Variants in FAR2 observed in about 807,000 individuals in gnomAD.
FAR2 encodes epididymis secretory protein Li 81.
Under a neutral mutation model 56.0 loss-of-function variants are expected in FAR2, and 19 were observed. That is an observed-to-expected ratio of 0.34 (90% confidence interval 0.24 to 0.50). FAR2 has a LOEUF of 0.50. Ranked by LOEUF, FAR2 falls within the 20% of genes least tolerant of loss-of-function variation. The pLI, the probability that FAR2 is intolerant of heterozygous loss-of-function variation, is 0.98. For missense variants in FAR2, 508 were observed against 642.2 expected (o/e 0.79, Z 2.26); for synonymous variants, 219 against 218.8 (o/e 1.00, Z -0.01).
intron 1 of FAR2, among the ~76,000 whole-genome samples, chr12:29,184,422 C>CTTTTT (rs71042961): frequency 1.3e-4 from 8 of 59,716 alleles, no homozygotes; most frequent in South Asian, 7.9e-4. Context: ...AATCTAGCAT[C>CTTTTT]TTTTTTTTTT....
rs1475516172 is a variant in FAR2 at position 29,333,637 on chromosome 12, G to A, written c.1391G>A (p.Arg464Gln). 4.3e-6 allele frequency: 7 copies of A among 1,612,556 alleles called. No individual in the cohort carries two copies. Among genetic ancestry groups the A allele is most frequent in the East Asian group, 4.5e-5 (2 of 44,846 alleles). The change falls in exon 12 of 12, where the codon CGA (arginine) becomes CAA (glutamine). Residue 464 changes from arginine (R) to glutamine (Q), a missense_variant. Physicochemically the swap from Arg to Gln is conservative, Grantham distance 43. Transcript: ENST00000536681. The part of the protein sequence containing the change: ...PKAKQRLKRL[R>Q]NIHYLFNTAL... ...TATGTCTGTCTGTTCCCTAGGCTCCGAAATATTCACTACCTCTTTAATACT... is the reference window on the plus strand; with the variant it reads ...TATGTCTGTCTGTTCCCTAGGCTCCAAAATATTCACTACCTCTTTAATACT...
intron 1 of FAR2, among the ~76,000 whole-genome samples, chr12:29,251,524 A>C (rs1458369803): frequency 6.6e-6 from 1 of 152,168 alleles, no homozygotes; most frequent in African/African-American, 2.4e-5. Flanking sequence ...TTTAGTTTAG[A>C]TCTGTCTCAC....
chr12:29,188,038 G>T (rs1483947132), intron 1 of FAR2, among the ~76,000 whole-genome samples: 1 of 152,146 alleles, frequency 6.6e-6, no homozygotes, highest in African/African-American at 2.4e-5. Flanking sequence ...TGTATAGACT[G>T]CTCATCCCAT....
chr12:29,291,812 T>C (rs1948972661), intron 2 of FAR2, among the ~76,000 whole-genome samples: 1 of 152,202 alleles, frequency 6.6e-6, no homozygotes, highest in African/African-American at 2.4e-5. Context: ...TATGGTGAGA[T>C]TCCTGACAGG....
At chr12:29,281,704 G>C (rs186926641) in intron 2 of FAR2, among the ~76,000 whole-genome samples, 9 of 149,742 alleles carry the variant, frequency 6.0e-5, no homozygotes, top group Admixed American at 6.0e-4. Context: ...ATGAAGAAGT[G>C]AAAGAAAGAA....
chr12:29,198,359 G>C (rs931824860), intron 1 of FAR2, among the ~76,000 whole-genome samples: 3 of 152,074 alleles, frequency 2.0e-5, no homozygotes, highest in African/African-American at 7.2e-5. Flanking sequence ...CTCCGGAGTA[G>C]CTGGGACTAC....
At chr12:29,196,218 A>G (rs1031709208) in intron 1 of FAR2, among the ~76,000 whole-genome samples, 12 of 152,012 alleles carry the variant, frequency 7.9e-5, no homozygotes, top group Admixed American at 6.5e-5. Context: ...GATACTCGGT[A>G]GTGGATTGCT....
intron 8 of FAR2, among the ~76,000 whole-genome samples, chr12:29,314,440 T>TA (rs1424772182): frequency 1.3e-5 from 2 of 151,580 alleles, no homozygotes; most frequent in Non-Finnish European, 2.9e-5. Context: ...ATCTTTTTTT[T>TA]TTTTTTTATC....
At chr12:29,200,968 C>G (rs1280373138) in intron 1 of FAR2, among the ~76,000 whole-genome samples, 1 of 152,116 alleles carries the variant, frequency 6.6e-6, no homozygotes, top group African/African-American at 2.4e-5. Flanking sequence ...AGGAGAATAT[C>G]TGTGTGTCAG....
Position 29,157,106 on chromosome 12 carries a change from T to TTATATATATA in FAR2, c.-39+7729_-39+7738dup, listed in dbSNP as rs5797307. ...CACCAGTATTAAAGCAAAGAACATTTTATATATATATATATATATATATAT... is the reference window on the plus strand; with the variant it reads ...CACCAGTATTAAAGCAAAGAACATTTTATATATATATATATATATATATATATATATATAT... On this transcript the variant is annotated intron_variant, in intron 1 of 11. Transcript: ENST00000536681. 515 of 73,406 alleles carry TTATATATATA rather than the reference T, an allele frequency of 7.0e-3. 13 individuals are homozygous for TTATATATATA. Among genetic ancestry groups the TTATATATATA allele is most frequent in the Non-Finnish European group, 8.4e-3 (340 of 40,672 alleles). The allele number at this position is 73,406 out of a possible 1,614,324, so 4.5% of individuals were successfully genotyped here.
chr12:29,162,368 T>A (rs1013688976), intron 1 of FAR2, among the ~76,000 whole-genome samples: 13 of 152,228 alleles, frequency 8.5e-5, no homozygotes, highest in African/African-American at 3.1e-4. Flanking sequence ...ACAGTAGCAG[T>A]CTGGATGCCT....
At chr12:29,229,385 T>A (rs1947818492) in intron 1 of FAR2, among the ~76,000 whole-genome samples, 1 of 152,114 alleles carries the variant, frequency 6.6e-6, no homozygotes, top group Admixed American at 6.5e-5. Context: ...GACAACTTCA[T>A]CTCTCAATTT....
At chr12:29,243,737 A>G (rs1206913426) in intron 1 of FAR2, among the ~76,000 whole-genome samples, 1 of 152,176 alleles carries the variant, frequency 6.6e-6, no homozygotes, top group Non-Finnish European at 1.5e-5. Flanking sequence ...CTGCCATCCC[A>G]TTCATTTCTC....
chr12:29,285,387 C>T (rs774457185), intron 2 of FAR2, among the ~76,000 whole-genome samples: 4 of 152,156 alleles, frequency 2.6e-5, no homozygotes, highest in African/African-American at 7.2e-5. Context: ...TACTGTTTTA[C>T]GCCCCGCCCC....
chr12:29,169,173 C>T (rs1196562825), intron 1 of FAR2, among the ~76,000 whole-genome samples: 1 of 152,200 alleles, frequency 6.6e-6, no homozygotes, highest in Non-Finnish European at 1.5e-5. Flanking sequence ...TCAATCCCCC[C>T]TCTAAACAGG....
intron 8 of FAR2, among the ~76,000 whole-genome samples, chr12:29,314,686 A>T (rs1273606252): frequency 6.6e-6 from 1 of 152,066 alleles, no homozygotes; most frequent in Non-Finnish European, 1.5e-5. Flanking sequence ...CTCTGCACTG[A>T]TCTCTAGCAG....
intron 1 of FAR2, among the ~76,000 whole-genome samples, chr12:29,229,669 A>G (rs534733720): frequency 6.4e-4 from 98 of 152,338 alleles, no homozygotes; most frequent in Admixed American, 6.1e-3. Context: ...AAGCAGATAG[A>G]TGAATTAAAA....
chr12:29,320,027 C>A (rs951821297), intron 9 of FAR2, among the ~76,000 whole-genome samples: 1 of 152,054 alleles, frequency 6.6e-6, no homozygotes, highest in Non-Finnish European at 1.5e-5. Context: ...CATAGTGAGA[C>A]CCCATCACTA....
intron 1 of FAR2, among the ~76,000 whole-genome samples, chr12:29,268,290 T>C (rs1394997010): frequency 6.6e-6 from 1 of 152,122 alleles, no homozygotes; most frequent in Non-Finnish European, 1.5e-5. Context: ...CTTTCTACAG[T>C]TGACAAAGTG....
Sources: gnomAD v4.1 joint callset for allele counts (sites outside exome capture counted in the v4.1 genomes callset) on GRCh38, gnomAD v4.1.1 for gene constraint, MANE v1.5 for transcripts, NCBI Gene and HGNC (gene_info 2026-07-23, HGNC 2026-07-21) for gene names.